Variants in COL4A1 observed in about 807,000 individuals in gnomAD.
The protein encoded by COL4A1 is collagen alpha-1(IV) chain.
Under a neutral mutation model 216.6 loss-of-function variants are expected in COL4A1, and 40 were observed. The observed-to-expected ratio is 0.18, with a 90% confidence interval of 0.14 to 0.24. The LOEUF is 0.24. Ranked by LOEUF, COL4A1 falls within the 10% of genes least tolerant of loss-of-function variation. The pLI is 1.00. For missense variants in COL4A1, 1,628 were observed against 2,196.8 expected (o/e 0.74, Z 5.18); for synonymous variants, 839 against 810.7 (o/e 1.03, Z -0.59).
At chr13:110,197,377 A>T (rs563923545) in intron 21 of COL4A1, among the ~76,000 whole-genome samples, 30 of 151,958 alleles carry the variant, frequency 2.0e-4, no homozygotes, top group Non-Finnish European at 4.0e-4. Context: ...CCACTGCTAG[A>T]TCTCTGCCTC....
Position 110,173,929 on chromosome 13 carries a change from G to C in COL4A1, c.3476C>G (p.Pro1159Arg). 6.2e-7 allele frequency: 1 copy of C among 1,614,154 alleles called. No individual in the cohort carries two copies. Among genetic ancestry groups the C allele is most frequent in the Non-Finnish European group, 8.5e-7 (1 of 1,180,020 alleles). Residue 1159 changes from proline (P) to arginine (R), a missense_variant, in exon 40 of 52, where the codon CCG becomes CGG. Pro to Arg is a moderately radical substitution (Grantham distance 103). Transcript: ENST00000375820. ...TTCACCCTTCTCTCCTGCTGACCCC[G>C]GGATTCCATCACTGCCTGGCTCCCC... ...QKGEPGSDGI[P>R]GSAGEKGEPG...
chr13:110,219,768 A>ACATATG (rs1880320224), intron 2 of COL4A1, among the ~76,000 whole-genome samples: 2 of 134,884 alleles, frequency 1.5e-5, no homozygotes, highest in Non-Finnish European at 3.3e-5. Context: ...ATGCGTATAT[A>ACATATG]TGTATATATA....
chr13:110,163,984 C>CTCT (rs1877209724), intron 46 of COL4A1, among the ~76,000 whole-genome samples: 1 of 110,234 alleles, frequency 9.1e-6, no homozygotes, highest in Non-Finnish European at 1.8e-5. Context: ...TTCTCTCTCT[C>CTCT]TTTTTTTTTT....
At position 110,198,644 on chromosome 13, in the gene COL4A1, A is replaced by G; in HGVS notation, c.1121-13T>C. ...GGTACAGGGAGGCCTGCAACCAGACAGAAGCTCACATCAGTAACCTCAGGG... is the reference window on the plus strand; with the variant it reads ...GGTACAGGGAGGCCTGCAACCAGACGGAAGCTCACATCAGTAACCTCAGGG... On this transcript the variant is annotated splice_polypyrimidine_tract_variant and intron_variant, in intron 20 of 51. Coordinates refer to ENST00000375820, the MANE Select transcript of COL4A1 (RefSeq NM_001845.6). 8 of 1,613,898 alleles carry G rather than the reference A, an allele frequency of 5.0e-6. No homozygotes were observed. The highest frequency in any genetic ancestry group is 6.8e-6 in the Non-Finnish European group (8 of 1,179,996).
At chr13:110,245,057 C>T (rs554593498) in intron 1 of COL4A1, among the ~76,000 whole-genome samples, 1 of 152,150 alleles carries the variant, frequency 6.6e-6, no homozygotes, top group African/African-American at 2.4e-5. Flanking sequence ...CACCGCGCAC[C>T]TCAACCACAG....
intron 1 of COL4A1, among the ~76,000 whole-genome samples, chr13:110,246,975 C>T (rs555250952): frequency 3.0e-4 from 45 of 152,148 alleles, no homozygotes; most frequent in Admixed American, 6.5e-4. Flanking sequence ...GAAAGAAAGG[C>T]GGGGGTCTCG....
chr13:110,170,419 C>G lies in COL4A1; in HGVS notation c.3742+128G>C, dbSNP rs1226433501. On this transcript the variant is annotated intron_variant, in intron 42 of 51. Transcript: ENST00000375820. ...GATGGGGGCCAAACACAATTTCAAG[C>G]TGTAATAAATGCTGCAGACTTCTAA... 6.9e-6 allele frequency: 7 copies of G among 1,011,530 alleles called. 1 individual carries two copies. 62.7% of individuals were successfully genotyped at this position (1,011,530 alleles called of 1,614,324 possible).
intron 1 of COL4A1, among the ~76,000 whole-genome samples, chr13:110,292,638 G>C (rs1315109584): frequency 6.6e-6 from 1 of 152,174 alleles, no homozygotes; most frequent in African/African-American, 2.4e-5. Flanking sequence ...GCAGGAGAGA[G>C]AGCGAAGGAG....
chr13:110,259,420 C>G (rs922288687), intron 1 of COL4A1, among the ~76,000 whole-genome samples: 4 of 152,060 alleles, frequency 2.6e-5, no homozygotes, highest in African/African-American at 9.7e-5. Context: ...AATTTTTAAG[C>G]GTGTCTACAA....
At chr13:110,229,552 G>A (rs1402021065) in intron 2 of COL4A1, among the ~76,000 whole-genome samples, 5 of 152,256 alleles carry the variant, frequency 3.3e-5, no homozygotes, top group South Asian at 2.1e-4. Context: ...TCCATGCCCC[G>A]CCCCAAATTC....
At chr13:110,164,198 G>T (rs1196975684) in intron 46 of COL4A1, among the ~76,000 whole-genome samples, 1 of 151,688 alleles carries the variant, frequency 6.6e-6, no homozygotes, top group Non-Finnish European at 1.5e-5. Flanking sequence ...TCCCTATGTT[G>T]CCCAGGCTGG....
rs1352707344 is a variant in COL4A1 at position 110,205,988 on chromosome 13, CAATACCACAAT to C, written c.859-461_859-451del. ...TAAATGAGGGTTCTATGTAAGTTGA[CAATACCACAAT>C]AATAAGTAATATTGTATATGATGAA... On this transcript the variant is annotated intron_variant, in intron 15 of 51. Transcript: ENST00000375820. Among the ~76,000 whole-genome samples, 16 of 152,118 alleles carry C rather than the reference CAATACCACAAT, an allele frequency of 1.1e-4. No homozygotes were observed. The East Asian group carries it at 3.1e-3, about 29-fold the overall frequency.
intron 31 of COL4A1, 32 bp from the exon 32 acceptor site, chr13:110,178,263 G>C: frequency 6.2e-7 from 1 of 1,612,698 alleles, no homozygotes; most frequent in Middle Eastern, 1.9e-4. Flanking sequence ...ATAACTTTTA[G>C]CAGAATTTAC....
intron 1 of COL4A1, among the ~76,000 whole-genome samples, chr13:110,263,118 G>A (rs1882893628): frequency 6.6e-6 from 1 of 152,182 alleles, no homozygotes; most frequent in Non-Finnish European, 1.5e-5. Flanking sequence ...AAGCAGTCAA[G>A]GAACTCAAAG....
At chr13:110,252,334 C>T (rs1037553578) in intron 1 of COL4A1, among the ~76,000 whole-genome samples, 3 of 151,668 alleles carry the variant, frequency 2.0e-5, no homozygotes, top group Admixed American at 1.3e-4. Flanking sequence ...AAATAAATTA[C>T]ATTTTAATCT....
chr13:110,238,791 C>T (rs921007340), intron 2 of COL4A1, among the ~76,000 whole-genome samples: 3 of 152,182 alleles, frequency 2.0e-5, no homozygotes, highest in Admixed American at 1.3e-4. Context: ...TCTATTTTAG[C>T]AAAACATAAA....
intron 41 of COL4A1, among the ~76,000 whole-genome samples, chr13:110,171,755 A>G (rs1877652678): frequency 6.6e-6 from 1 of 152,214 alleles, no homozygotes; most frequent in African/African-American, 2.4e-5. Context: ...GCATGTCCAA[A>G]GGAGTGTGCG....
intron 1 of COL4A1, among the ~76,000 whole-genome samples, chr13:110,281,641 T>TCA (rs1883638782): frequency 1.3e-5 from 2 of 152,230 alleles, no homozygotes; most frequent in Non-Finnish European, 2.9e-5. Context: ...AAGATTTGGG[T>TCA]AGACCCTTGA....
At chr13:110,249,241 G>A (rs1270929386) in intron 1 of COL4A1, among the ~76,000 whole-genome samples, 2 of 152,076 alleles carry the variant, frequency 1.3e-5, no homozygotes, top group Non-Finnish European at 2.9e-5. Context: ...AACATTCTTT[G>A]CTTGTTGCGG....
Sources: allele counts gnomAD v4.1 joint callset (sites outside exome capture counted in the v4.1 genomes callset), GRCh38; gene constraint gnomAD v4.1.1; transcripts MANE v1.5; gene names NCBI Gene and HGNC (gene_info 2026-07-23, HGNC 2026-07-21).